Variants in SPON1 observed in about 807,000 individuals in gnomAD.
SPON1 encodes spondin-1.
Under a neutral mutation model 111.7 loss-of-function variants are expected in SPON1, and 52 were observed. The observed-to-expected ratio is 0.47, with a 90% CI of 0.37 to 0.59. The LOEUF is 0.59. Among genes scored for constraint, SPON1 ranks in the 20% least tolerant of loss-of-function variants. SPON1 has a pLI of 0.00. For missense variants in SPON1, 957 were observed against 1,068.5 expected, an observed-to-expected ratio of 0.90 and a Z score of 1.46; for synonymous variants, 410 against 395.8, an observed-to-expected ratio of 1.04 and a Z score of -0.43.
chr11:14,140,597 G>A (rs1214949229), intron 6 of SPON1, among the ~76,000 whole-genome samples: 1 of 152,220 alleles, frequency 6.6e-6, no homozygotes, highest in Non-Finnish European at 1.5e-5. Flanking sequence ...GTTTTACCAT[G>A]CTGGTCAGGC....
intron 6 of SPON1, among the ~76,000 whole-genome samples, chr11:14,230,744 C>T (rs1166219864): frequency 1.3e-5 from 2 of 148,196 alleles, no homozygotes; most frequent in Admixed American, 6.8e-5. Flanking sequence ...TTTTACTTTC[C>T]ATTTTTCTTT....
intron 6 of SPON1, among the ~76,000 whole-genome samples, chr11:14,187,754 A>G (rs1410540789): frequency 2.0e-5 from 3 of 151,618 alleles, no homozygotes; most frequent in Non-Finnish European, 4.4e-5. Context: ...AGCTGAGATT[A>G]CAGGAGTGTG....
chr11:14,139,859 G>A (rs1847633047), intron 6 of SPON1, among the ~76,000 whole-genome samples: 1 of 152,036 alleles, frequency 6.6e-6, no homozygotes, highest in Non-Finnish European at 1.5e-5. Flanking sequence ...CAAAAGACAA[G>A]TGTAGGGGAA....
intron 6 of SPON1, among the ~76,000 whole-genome samples, chr11:14,178,421 CAAAA>C (rs35221896): frequency 2.4e-5 from 3 of 123,976 alleles, no homozygotes; most frequent in Non-Finnish European, 1.7e-5. Context: ...GACTCCGTCT[CAAAA>C]AAAAAAAAAA....
At position 14,135,387 on chromosome 11, in the gene SPON1, T is replaced by A. The variant is rs1268736032; in HGVS notation, c.677-33T>A. 1.4e-5 allele frequency: 23 copies of A among 1,595,274 alleles called. No homozygotes were observed. Among genetic ancestry groups the A allele is most frequent in the Non-Finnish European group, 1.7e-5 (20 of 1,166,610 alleles). ...GGGACTCGTGTTTCAGCCACAGCCA[T>A]GCTGATAACTGCCTCCTGATTGGCT... On this transcript the variant is annotated intron_variant, in intron 5 of 15. Transcript: ENST00000576479. This position sits in a 1 kb window ranked among gnomAD's most constrained non-coding sequence, Gnocchi z 4.4.
chr11:14,033,316 A>C (rs560397034), intron 2 of SPON1, among the ~76,000 whole-genome samples: 1 of 152,260 alleles, frequency 6.6e-6, no homozygotes, highest in East Asian at 1.9e-4. Context: ...TGGACTTTGG[A>C]ATCGTATTCT....
chr11:14,133,962 GC>G (rs1266614416), intron 5 of SPON1, among the ~76,000 whole-genome samples: 1 of 152,114 alleles, frequency 6.6e-6, no homozygotes, highest in Non-Finnish European at 1.5e-5. Flanking sequence ...TCTTGATGTG[GC>G]CCTGGAGCAG....
intron 8 of SPON1, 78 bp downstream of exon 8, chr11:14,254,807 G>A: frequency 1.4e-6 from 2 of 1,421,194 alleles, no homozygotes; most frequent in Non-Finnish European, 2.0e-6. Flanking sequence ...GAGGGGATCT[G>A]TCCCAGGCTC....
chr11:13,985,103 AC>A (rs1167363334), intron 2 of SPON1, among the ~76,000 whole-genome samples: 1 of 152,220 alleles, frequency 6.6e-6, no homozygotes, highest in Non-Finnish European at 1.5e-5. Context: ...CAGGGCCCTC[AC>A]AACCTGTGTT....
intron 3 of SPON1, among the ~76,000 whole-genome samples, chr11:14,042,085 T>A (rs1373913324): frequency 6.6e-6 from 1 of 152,078 alleles, no homozygotes; most frequent in African/African-American, 2.4e-5. Context: ...TTTATGATGC[T>A]ATCTTCTTCT....
At chr11:14,183,987 A>T (rs1848261632) in intron 6 of SPON1, among the ~76,000 whole-genome samples, 3 of 152,220 alleles carry the variant, frequency 2.0e-5, no homozygotes, top group Admixed American at 2.0e-4. Context: ...TATGTTGATG[A>T]AAAGCAACTC....
chr11:14,032,000 G>C (rs1464348503), intron 2 of SPON1, among the ~76,000 whole-genome samples: 2 of 152,128 alleles, frequency 1.3e-5, no homozygotes, highest in African/African-American at 4.8e-5. Context: ...AGCTAAGGGG[G>C]ATCATAATAG....
In SPON1 at chr11:13,966,848, G is replaced by A. The variant is rs186357728; in HGVS notation, c.238+3706G>A. On this transcript the variant is annotated intron_variant, in intron 1 of 15. Transcript: ENST00000576479. ...CCAATTTCTCCATCTGTAAAATGAG[G>A]GTGTTTTGATTTTTTCCCAGCATTC... is the stretch of plus-strand genomic sequence containing the variant. Among the ~76,000 whole-genome samples, 3 of 152,174 alleles carry A rather than the reference G, an allele frequency of 2.0e-5. No individual in the cohort carries two copies. The East Asian group carries it at 5.8e-4, about 29-fold the overall frequency.
In SPON1 at chr11:14,022,717, C is replaced by T. The variant is rs111908160; in HGVS notation, c.346-18804C>T. On this transcript the variant is annotated intron_variant, in intron 2 of 15. Transcript: ENST00000576479. Reference sequence around the variant, plus strand: ...TTTCCCTCAAAGTTAAGCTTTTCTTCCCTGTTCATCTAAAAAATCAAGCAA... The same window carrying T: ...TTTCCCTCAAAGTTAAGCTTTTCTTTCCTGTTCATCTAAAAAATCAAGCAA... Among the ~76,000 whole-genome samples the T allele has an allele frequency of 4.3e-3, 651 of 152,324 alleles. 4 individuals carry two copies. The highest frequency in any genetic ancestry group is 0.014 in the African/African-American group (596 of 41,572).
intron 5 of SPON1, among the ~76,000 whole-genome samples, chr11:14,084,680 G>A (rs1468204416): frequency 6.6e-6 from 1 of 152,126 alleles, no homozygotes; most frequent in Non-Finnish European, 1.5e-5. Context: ...AGGATCACTA[G>A]GTCGAATGGC....
chr11:14,186,512 G>C (rs1554934089), intron 6 of SPON1, among the ~76,000 whole-genome samples: 1 of 152,108 alleles, frequency 6.6e-6, no homozygotes, highest in Non-Finnish European at 1.5e-5. Flanking sequence ...TGATGTAGTG[G>C]GAAATTGTGA....
intron 6 of SPON1, among the ~76,000 whole-genome samples, chr11:14,194,073 T>G (rs1240210026): frequency 6.6e-6 from 1 of 152,240 alleles, no homozygotes; most frequent in Non-Finnish European, 1.5e-5. Context: ...CCACTGGGAC[T>G]GCCAGAGGCT....
intron 6 of SPON1, among the ~76,000 whole-genome samples, chr11:14,200,512 G>A (rs549402148): frequency 6.6e-6 from 1 of 152,028 alleles, no homozygotes; most frequent in East Asian, 1.9e-4. Flanking sequence ...AGATCTTTTG[G>A]CTGGTTTCTT....
At chr11:14,093,101 T>G (rs1849071832) in intron 5 of SPON1, among the ~76,000 whole-genome samples, 1 of 152,208 alleles carries the variant, frequency 6.6e-6, no homozygotes, top group South Asian at 2.1e-4. Context: ...AGATCCTAAC[T>G]TAGAAGTCAG....
Sources: gnomAD v4.1 joint callset for allele counts (sites outside exome capture counted in the v4.1 genomes callset) on GRCh38, gnomAD v4.1.1 for gene constraint, Gnocchi (gnomAD v3.1) non-coding constraint, MANE v1.5 for transcripts, NCBI Gene and HGNC (gene_info 2026-07-23, HGNC 2026-07-21) for gene names.